Variants in DDX1 observed in about 807,000 individuals in gnomAD.
The protein encoded by DDX1 is DEAD-box helicase 1.
In DDX1, 28 loss-of-function variants were observed where a neutral mutation model predicts 108.7. That is an observed-to-expected ratio of 0.26 (90% CI 0.19 to 0.35). The LOEUF (loss-of-function observed/expected upper bound fraction) is 0.35. Ranked by LOEUF, DDX1 falls within the 10% of genes least tolerant of loss-of-function variation. The pLI, the probability that DDX1 is intolerant of heterozygous loss-of-function variation, is 1.00. For synonymous variants in DDX1, 295 were observed against 288.9 expected (o/e 1.02, Z -0.21); for missense variants, 710 against 884.5 (o/e 0.80, Z 2.50).
At chr2:15,614,213 A>G (rs1291054953) in intron 14 of DDX1, among the ~76,000 whole-genome samples, 2 of 152,158 alleles carry the variant, frequency 1.3e-5, no homozygotes, top group Non-Finnish European at 2.9e-5. Flanking sequence ...CAGCTTATAA[A>G]TTTCTCTTTT....
Position 15,603,910 on chromosome 2 carries a change from C to G in DDX1, c.552+20C>G. The G allele has an allele frequency of 1.3e-6, 2 of 1,506,564 alleles. No individual in the cohort carries two copies. The highest frequency in any genetic ancestry group is 1.8e-6 in the Non-Finnish European group (2 of 1,089,642). 93.3% of individuals were successfully genotyped at this position (1,506,564 alleles called of 1,614,324 possible). A position where few individuals can be genotyped will look rare whatever the true frequency, so the allele number is the denominator to read the frequency against. ...GGAGAGGTAAGCGATTATGTTATGA[C>G]TTCAACATAGCATAAGTAAGTTTTC... On this transcript the variant is annotated intron_variant, in intron 9 of 25. Transcript: ENST00000233084.
rs562620181 is a variant in DDX1, at chr2:15,619,654, A to G, written c.1207-554A>G. Among the ~76,000 whole-genome samples, 4 of 152,342 alleles carry G rather than the reference A, an allele frequency of 2.6e-5. No individual in the cohort carries two copies. In the South Asian group the frequency reaches 8.3e-4, roughly 32 times the overall value. The stretch of plus-strand genomic sequence containing the variant: ...GCTTTACGTTACTGGACGAAATAGT[A>G]TACTCAAAGGTAACAGTCTTAAAAG... On this transcript the variant is annotated intron_variant, in intron 16 of 25. Coordinates refer to ENST00000233084, the MANE Select transcript of DDX1 (RefSeq NM_004939.3).
rs147798841 is a variant in DDX1, at chr2:15,626,057, C to G, written c.1595-997C>G. 3.7e-3 allele frequency among the ~76,000 whole-genome samples: 563 copies of G among 152,150 alleles called. 5 individuals carry two copies. Among genetic ancestry groups the G allele is most frequent in the African/African-American group, 0.013 (537 of 41,522 alleles). On this transcript the variant is annotated intron_variant, in intron 19 of 25. Coordinates refer to ENST00000233084, the MANE Select transcript of DDX1 (RefSeq NM_004939.3). Reference sequence around the variant, plus strand: ...ATATCCCTTTAGTTACTTTGATGCTCCTTCCCTAAATATTCTGGATGTAGA... The same window carrying G: ...ATATCCCTTTAGTTACTTTGATGCTGCTTCCCTAAATATTCTGGATGTAGA...
At chr2:15,611,967 A>G (rs1665774232) in intron 13 of DDX1, among the ~76,000 whole-genome samples, 1 of 116,646 alleles carries the variant, frequency 8.6e-6, no homozygotes, top group Non-Finnish European at 1.7e-5. Flanking sequence ...CGGGGGGCTG[A>G]CCCCACCACC....
At chr2:15,591,980 G>C (rs2148734930) in intron 1 of DDX1, 31 bp downstream of exon 1, 3 of 1,400,214 alleles carry the variant, frequency 2.1e-6, no homozygotes, top group Non-Finnish European at 2.8e-6. Context: ...GGGGTGGTGG[G>C]GCGGCTTGTT....
chr2:15,630,831 T>A lies in DDX1; in HGVS notation c.2148T>A (p.Ala716=). 6.2e-7 allele frequency: 1 copy of A among 1,614,104 alleles called. No homozygotes were observed. Among genetic ancestry groups the A allele is most frequent in the Non-Finnish European group, 8.5e-7 (1 of 1,179,924 alleles). ...TGGCACCTACTGTTCAAGAGTTGGC[T>A]GCCCTTGAAAAGGAGGCGCAGACAT... ...DILAPTVQEL[A]ALEKEAQTSF... The change falls in exon 26 of 26, where the codon GCT becomes GCA. Residue 716 remains alanine, a synonymous_variant. Transcript: ENST00000233084.
In DDX1 at chr2:15,631,080, GA is replaced by G. The variant is rs1666189000; in HGVS notation, c.*178del. On this transcript the variant is annotated 3_prime_UTR_variant, in exon 26 of 26. Transcript: ENST00000233084. ...ATTCTTCAAAAAATGGCATCCCAAT[GA>G]AAATAAATTTGATGACTATATTTTC... The G allele has an allele frequency of 3.9e-6, 2 of 508,984 alleles. No homozygotes were observed. The highest frequency in any genetic ancestry group is 6.6e-6 in the Non-Finnish European group (2 of 303,346). The allele number at this position is 508,984 out of a possible 1,614,324, so 31.5% of individuals were successfully genotyped here.
intron 14 of DDX1, among the ~76,000 whole-genome samples, chr2:15,616,498 A>G (rs1296463765): frequency 6.6e-6 from 1 of 152,158 alleles, no homozygotes; most frequent in African/African-American, 2.4e-5. Context: ...CAAAATGTTA[A>G]CTGTTTGTAC....
chr2:15,630,744 T>C (rs768562993), intron 25 of DDX1, 32 bp from the exon 26 acceptor site: 1 of 1,594,456 alleles, frequency 6.3e-7, no homozygotes, highest in Admixed American at 1.7e-5. Context: ...AGCATGTCAT[T>C]TACATTACTT....
chr2:15,625,990 G>A (rs1666095840), intron 19 of DDX1, among the ~76,000 whole-genome samples: 1 of 151,896 alleles, frequency 6.6e-6, no homozygotes, highest in South Asian at 2.1e-4. Context: ...TTTGAATGGA[G>A]GAGTTGATTA....
chr2:15,619,692 A>G (rs1665961384), intron 16 of DDX1, among the ~76,000 whole-genome samples: 1 of 152,232 alleles, frequency 6.6e-6, no homozygotes, highest in Non-Finnish European at 1.5e-5. Context: ...GCTTTTAGAA[A>G]TAGAAGGAAA....
chr2:15,602,502 A>G (rs1392693015), intron 6 of DDX1, 46 bp from the exon 7 acceptor site: 6 of 1,426,450 alleles, frequency 4.2e-6, no homozygotes, highest in East Asian at 2.3e-5. Flanking sequence ...TATGATTTAT[A>G]AAACCTGTAC....
intron 1 of DDX1, 87 bp from the exon 2 acceptor site, chr2:15,595,058 T>C: frequency 9.6e-7 from 1 of 1,043,676 alleles, no homozygotes; most frequent in Non-Finnish European, 1.4e-6. Flanking sequence ...TCAAAATCTT[T>C]ACCCTGTTTT....
intron 13 of DDX1, among the ~76,000 whole-genome samples, chr2:15,609,662 T>C (rs1230513774): frequency 6.6e-6 from 1 of 152,206 alleles, no homozygotes; most frequent in Non-Finnish European, 1.5e-5. Context: ...GCATCAATTA[T>C]CATGTGTATG....
Position 15,621,056 on chromosome 2 carries a change from T to G in DDX1, c.1396-9T>G, listed in dbSNP as rs1665996542. ...CCTCTATCCTGTTTTTATTCCTTGC[T>G]TTTGATAGACTGATGATGTACATGC... On this transcript the variant is annotated splice_polypyrimidine_tract_variant and intron_variant, in intron 17 of 25. Coordinates refer to ENST00000233084, the MANE Select transcript of DDX1 (RefSeq NM_004939.3). 6 of 1,597,582 alleles carry G rather than the reference T, an allele frequency of 3.8e-6. No individual in the cohort carries two copies. In the South Asian group the frequency reaches 5.5e-5, roughly 15 times the overall value.
At chr2:15,623,181 C>T (rs370767359) in intron 18 of DDX1, among the ~76,000 whole-genome samples, 26 of 151,910 alleles carry the variant, frequency 1.7e-4, no homozygotes, top group African/African-American at 5.5e-4. Context: ...ATAAGGGGTA[C>T]GGTTATGGGT....
At chr2:15,621,569 G>A (rs142703098) in intron 18 of DDX1, among the ~76,000 whole-genome samples, 2,590 of 151,594 alleles carry the variant, frequency 0.017, 29 homozygotes, top group Admixed American at 0.04. Flanking sequence ...ACCTCCCAAA[G>A]TTCTGGGATT....
chr2:15,630,397 C>A (rs775580464), intron 25 of DDX1, among the ~76,000 whole-genome samples: 1 of 152,134 alleles, frequency 6.6e-6, no homozygotes, highest in Admixed American at 6.5e-5. Context: ...GAAACAAGAG[C>A]ATAATAGGTG....
intron 25 of DDX1, 126 bp downstream of exon 25, chr2:15,630,236 C>A: frequency 1.1e-6 from 1 of 906,682 alleles, no homozygotes; most frequent in East Asian, 2.6e-5. Flanking sequence ...TAATCATTCC[C>A]TCCTTATTAC....
Sources: gnomAD v4.1 joint callset for allele counts (sites outside exome capture counted in the v4.1 genomes callset) on GRCh38, gnomAD v4.1.1 for gene constraint, MANE v1.5 for transcripts, NCBI Gene and HGNC (gene_info 2026-07-23, HGNC 2026-07-21) for gene names.